WWC1: variants seen among roughly 807,000 people sequenced by gnomAD.
The protein encoded by WWC1 is protein KIBRA.
Under a neutral mutation model 138.4 loss-of-function variants are expected in WWC1, and 55 were observed. The observed-to-expected ratio is 0.40, with a 90% CI of 0.32 to 0.50. The LOEUF is 0.50. Ranked by LOEUF, WWC1 falls within the 20% of genes least tolerant of loss-of-function variation. WWC1 has a pLI of 0.72. For missense variants in WWC1, 1,226 were observed against 1,420.4 expected (o/e 0.86, Z 2.20); for synonymous variants, 524 against 564.9 (o/e 0.93, Z 1.03).
chr5:168,437,020 T>TAA (rs58551636), intron 15 of WWC1, among the ~76,000 whole-genome samples: 1 of 152,092 alleles, frequency 6.6e-6, no homozygotes, highest in Non-Finnish European at 1.5e-5. Context: ...GGCCACTTAT[T>TAA]AAAATCTCTG....
intron 8 of WWC1, chr5:168,412,003 A>G: frequency 1.0e-6 from 1 of 985,436 alleles, no homozygotes; most frequent in Non-Finnish European, 1.2e-6. Flanking sequence ...GTACTATTTC[A>G]GCTCCCCCAG....
chr5:168,412,891 A>G (rs1582207120), intron 8 of WWC1, among the ~76,000 whole-genome samples: 4 of 152,192 alleles, frequency 2.6e-5, no homozygotes, highest in Admixed American at 2.6e-4. Context: ...AAAGCACTTG[A>G]GCATCCATGA....
chr5:168,319,280 C>T (rs2152756627), intron 1 of WWC1, among the ~76,000 whole-genome samples: 1 of 152,214 alleles, frequency 6.6e-6, no homozygotes, highest in South Asian at 2.1e-4. Context: ...ATTAGCTGGA[C>T]GTGGTGGCGG....
chr5:168,401,950 G>A (rs1779342306), intron 5 of WWC1, among the ~76,000 whole-genome samples: 1 of 152,104 alleles, frequency 6.6e-6, no homozygotes, highest in South Asian at 2.1e-4. Flanking sequence ...CACAGTTTAA[G>A]GGCTACTCAC....
intron 4 of WWC1, 25 bp from the exon 5 acceptor site, chr5:168,399,463 C>T (rs1298506573): frequency 4.3e-6 from 7 of 1,613,744 alleles, no homozygotes; most frequent in Non-Finnish European, 5.9e-6. Context: ...TGACCCAGCC[C>T]TGTGTGTGGT....
intron 1 of WWC1, among the ~76,000 whole-genome samples, chr5:168,346,826 C>A (rs1296426168): frequency 6.6e-6 from 1 of 152,010 alleles, no homozygotes; most frequent in Admixed American, 6.6e-5. Flanking sequence ...CCATGTAAAA[C>A]AATTAGAGGA....
chr5:168,457,610 G>T (rs1243674845), intron 19 of WWC1, among the ~76,000 whole-genome samples: 1 of 152,174 alleles, frequency 6.6e-6, no homozygotes, highest in Non-Finnish European at 1.5e-5. Flanking sequence ...TCATCATAAG[G>T]CTATGGAACC....
chr5:168,312,450 G>A (rs1283747642), intron 1 of WWC1, among the ~76,000 whole-genome samples: 1 of 152,232 alleles, frequency 6.6e-6, no homozygotes, highest in Non-Finnish European at 1.5e-5. Context: ...TCTGGCTCCA[G>A]AGCTTGTGGT....
At chr5:168,332,339 T>TA (rs1171402241) in intron 1 of WWC1, among the ~76,000 whole-genome samples, 4 of 152,266 alleles carry the variant, frequency 2.6e-5, no homozygotes, top group African/African-American at 9.6e-5. Context: ...AGGCCATATC[T>TA]AAAAAAAGTC....
In WWC1 at chr5:168,366,100, GCACCCA is replaced by G. The variant is rs1300618577; in HGVS notation, c.120-5321_120-5316del. Among the ~76,000 whole-genome samples, 4 of 152,226 alleles carry G rather than the reference GCACCCA, an allele frequency of 2.6e-5. No individual in the cohort carries two copies. In the East Asian group the frequency reaches 7.7e-4, roughly 29 times the overall value. On this transcript the variant is annotated intron_variant, in intron 1 of 22. Transcript: ENST00000265293. ...AGGTGAAACATTTCAGGCCAGTGGA[GCACCCA>G]CAGTTCCTGGGGGACGGGGGGTGGC...
chr5:168,424,106 G>T lies in WWC1; in HGVS notation c.1810+38G>T, dbSNP rs568194386. The T allele has an allele frequency of 4.7e-5, 72 of 1,544,082 alleles. No individual in the cohort carries two copies. In the South Asian group the frequency reaches 8.7e-4, roughly 19 times the overall value. ...ATACCCAGAGGGTGGGAACCAGGAGGAGGGAAAGAGATACTCTGTGCTCAG... is the reference window on the plus strand; with the variant it reads ...ATACCCAGAGGGTGGGAACCAGGAGTAGGGAAAGAGATACTCTGTGCTCAG... On this transcript the variant is annotated intron_variant, in intron 11 of 22. Coordinates refer to ENST00000265293, the MANE Select transcript of WWC1 (RefSeq NM_015238.3).
chr5:168,339,341 G>A (rs962181475), intron 1 of WWC1, among the ~76,000 whole-genome samples: 6 of 152,190 alleles, frequency 3.9e-5, no homozygotes, highest in Non-Finnish European at 7.3e-5. Flanking sequence ...CCCCTAGCTA[G>A]TTGCCTTGGG....
intron 18 of WWC1, 26 bp downstream of exon 18, chr5:168,454,126 G>A: frequency 6.2e-7 from 1 of 1,605,470 alleles, no homozygotes; most frequent in Non-Finnish European, 8.5e-7. Context: ...GGGATAGAAG[G>A]GCTGTCGTGG....
At chr5:168,416,937 G>A (rs561903368) in intron 9 of WWC1, among the ~76,000 whole-genome samples, 49 of 152,072 alleles carry the variant, frequency 3.2e-4, no homozygotes, top group African/African-American at 1.0e-3. Flanking sequence ...GCACGATCTC[G>A]GCTTACTGCA....
intron 13 of WWC1, 28 bp from the exon 14 acceptor site, chr5:168,430,109 G>A (rs776369495): frequency 1.3e-6 from 2 of 1,537,206 alleles, no homozygotes; most frequent in Admixed American, 3.3e-5. Context: ...TTACTAATAG[G>A]TACTTCATAT....
chr5:168,380,640 C>T (rs1213845368), intron 2 of WWC1, among the ~76,000 whole-genome samples: 2 of 152,128 alleles, frequency 1.3e-5, no homozygotes, highest in Non-Finnish European at 2.9e-5. Flanking sequence ...TCGACATATA[C>T]TTGCGAAGTA....
At chr5:168,454,474 G>T (rs1451903940) in intron 18 of WWC1, among the ~76,000 whole-genome samples, 1 of 152,216 alleles carries the variant, frequency 6.6e-6, no homozygotes, top group Non-Finnish European at 1.5e-5. Flanking sequence ...CAACCTTGCA[G>T]ATAGCCTCTA....
intron 1 of WWC1, among the ~76,000 whole-genome samples, chr5:168,362,044 A>G (rs954961345): frequency 4.6e-5 from 7 of 152,274 alleles, no homozygotes; most frequent in South Asian, 2.1e-4. Context: ...GACCGTGCCA[A>G]TGCTCTCCAG....
At chr5:168,377,151 A>G (rs1042794945) in intron 2 of WWC1, among the ~76,000 whole-genome samples, 4 of 152,204 alleles carry the variant, frequency 2.6e-5, no homozygotes, top group Non-Finnish European at 5.9e-5. Context: ...TTGATCTTCA[A>G]CTAAGTCGAC....
Sources: allele counts gnomAD v4.1 joint callset (sites outside exome capture counted in the v4.1 genomes callset), GRCh38; gene constraint gnomAD v4.1.1; transcripts MANE v1.5; gene names NCBI Gene and HGNC (gene_info 2026-07-23, HGNC 2026-07-21).